GPHN: variants seen among roughly 807,000 people sequenced by gnomAD.
GPHN encodes gephyrin.
GPHN carries 17 observed loss-of-function variants against 95.5 expected under a neutral mutation model. The observed-to-expected ratio is 0.18, with a 90% CI of 0.12 to 0.27. GPHN has a LOEUF of 0.27. GPHN is among the 10% of genes least tolerant of loss of function. GPHN has a pLI of 1.00. For missense variants in GPHN, 660 were observed against 978.1 expected, an observed-to-expected ratio of 0.67 and a Z score of 4.34; for synonymous variants, 320 against 322.5, an observed-to-expected ratio of 0.99 and a Z score of 0.08.
chr14:66,567,702 ACTTTTGTTG>A (rs1444818529), intron 1 of GPHN, among the ~76,000 whole-genome samples: 1 of 152,018 alleles, frequency 6.6e-6, no homozygotes. Context: ...TATTGGTATT[ACTTTTGTTG>A]CTTTTGTTTA....
chr14:66,571,251 G>T (rs2060678500), intron 1 of GPHN, among the ~76,000 whole-genome samples: 1 of 152,046 alleles, frequency 6.6e-6, no homozygotes, highest in African/African-American at 2.4e-5. Flanking sequence ...AAACCATCAG[G>T]CCTTATGAGA....
intron 9 of GPHN, chr14:66,996,166 T>C (rs530415407): frequency 3.3e-5 from 50 of 1,530,522 alleles, no homozygotes; most frequent in Non-Finnish European, 4.2e-5. Context: ...TTTTCCCCAC[T>C]GCAAAACCAG....
chr14:67,588,493 A>G, the GPHN span: 2 of 152,258 alleles, frequency 1.3e-5, no homozygotes, highest in Admixed American at 6.5e-5. Flanking sequence ...AGGTAAAAAA[A>G]AGTTTCTTTC....
At chr14:67,325,086 T>C in the GPHN span, among the ~76,000 whole-genome samples, 8 of 151,872 alleles carry the variant, frequency 5.3e-5, no homozygotes, top group Non-Finnish European at 1.0e-4. Context: ...TTTGTATTTT[T>C]AGTAGAGACA....
chr14:67,086,712 A>G (rs2076906436), intron 11 of GPHN, among the ~76,000 whole-genome samples: 1 of 150,838 alleles, frequency 6.6e-6, no homozygotes, highest in Non-Finnish European at 1.5e-5. Flanking sequence ...CACCTATGAA[A>G]TATATTGCTG....
At chr14:67,282,229 C>CTGTACAT in the GPHN span, among the ~76,000 whole-genome samples, 1 of 152,048 alleles carries the variant, frequency 6.6e-6, no homozygotes, top group Non-Finnish European at 1.5e-5. Context: ...AATCTGCTAA[C>CTGTACAT]ACATCAAACT....
At chr14:67,233,465 A>G in the GPHN span, among the ~76,000 whole-genome samples, 1 of 152,226 alleles carries the variant, frequency 6.6e-6, no homozygotes, top group South Asian at 2.1e-4. Context: ...AGTCTATCAC[A>G]TGAGAAGGTA....
chr14:66,559,515 T>C lies in GPHN; in HGVS notation c.64+50924T>C, dbSNP rs548153689. Among the ~76,000 whole-genome samples the C allele has an allele frequency of 8.1e-4, 123 of 151,442 alleles. 1 individual carries two copies. The highest frequency in any genetic ancestry group is 1.3e-3 in the Non-Finnish European group (90 of 67,980). ...TGATGATGAGCATTTTTTCATGTGT[T>C]TTTTGGCTGCATAAATGTCTTCTTT... On this transcript the variant is annotated intron_variant, in intron 1 of 22. Transcript: ENST00000478722.
At chr14:66,773,821 C>G (rs535651965) in intron 2 of GPHN, among the ~76,000 whole-genome samples, 33 of 152,200 alleles carry the variant, frequency 2.2e-4, no homozygotes, top group African/African-American at 7.7e-4. Flanking sequence ...ATCCTCTCAC[C>G]TTGGATTCCA....
chr14:67,645,245 C>G, the GPHN span, among the ~76,000 whole-genome samples: 1 of 151,796 alleles, frequency 6.6e-6, no homozygotes, highest in East Asian at 1.9e-4. Flanking sequence ...AACCCCTGGG[C>G]TCATGTGATC....
chr14:67,028,351 A>ATT (rs1198356388), intron 10 of GPHN, among the ~76,000 whole-genome samples: 1 of 152,228 alleles, frequency 6.6e-6, no homozygotes, highest in Admixed American at 6.5e-5. Flanking sequence ...CTCTTTTGAT[A>ATT]TGCTGATTTC....
At chr14:66,793,644 T>G (rs1201188782) in intron 3 of GPHN, among the ~76,000 whole-genome samples, 1 of 152,050 alleles carries the variant, frequency 6.6e-6, no homozygotes, top group Non-Finnish European at 1.5e-5. Context: ...CACATGCATA[T>G]GTAGTATGTG....
At chr14:67,076,089 A>T (rs897507252) in intron 11 of GPHN, among the ~76,000 whole-genome samples, 6 of 152,090 alleles carry the variant, frequency 3.9e-5, no homozygotes, top group African/African-American at 1.2e-4. Context: ...AGCAAACTTC[A>T]TTATTGTCTT....
chr14:66,828,592 A>G (rs1167776711), intron 4 of GPHN, among the ~76,000 whole-genome samples: 1 of 152,162 alleles, frequency 6.6e-6, no homozygotes, highest in Non-Finnish European at 1.5e-5. Context: ...TTTATAGTCG[A>G]TGATTGTCAG....
the GPHN span, chr14:67,642,470 A>G: frequency 1.0e-5 from 13 of 1,270,704 alleles, no homozygotes; most frequent in African/African-American, 1.5e-5. Flanking sequence ...ACCCTACAGA[A>G]TTTTTAGGGT....
intron 1 of GPHN, among the ~76,000 whole-genome samples, chr14:66,541,787 C>T (rs1484111421): frequency 3.3e-5 from 5 of 151,962 alleles, no homozygotes; most frequent in South Asian, 2.1e-4. Context: ...GTTAGTATGC[C>T]GATGAAAAAC....
the GPHN span, chr14:67,292,690 A>G: frequency 1.2e-6 from 2 of 1,613,688 alleles, no homozygotes; most frequent in Admixed American, 1.7e-5. Flanking sequence ...ATTTCCTCTT[A>G]TCTCCAACGC....
intron 11 of GPHN, among the ~76,000 whole-genome samples, chr14:67,085,767 T>C (rs1404329215): frequency 1.3e-5 from 2 of 152,248 alleles, no homozygotes; most frequent in African/African-American, 4.8e-5. Context: ...TAGCATTAAG[T>C]ACATTCACAT....
At chr14:66,691,567 T>G (rs1191099005) in intron 2 of GPHN, among the ~76,000 whole-genome samples, 1 of 152,160 alleles carries the variant, frequency 6.6e-6, no homozygotes, top group Non-Finnish European at 1.5e-5. Context: ...CTATAAATAG[T>G]TTTGTTAGGG....
Sources: allele counts gnomAD v4.1 joint callset (sites outside exome capture counted in the v4.1 genomes callset), GRCh38; gene constraint gnomAD v4.1.1; transcripts MANE v1.5; gene names NCBI Gene and HGNC (gene_info 2026-07-23, HGNC 2026-07-21).